Variants in PAK5 observed in about 807,000 individuals in gnomAD.
PAK5 encodes the protein serine/threonine-protein kinase PAK 5.
In PAK5, 16 loss-of-function variants were observed where a neutral mutation model predicts 65.9. The observed-to-expected ratio is 0.24, with a 90% confidence interval of 0.16 to 0.37. PAK5 has a LOEUF of 0.37. Ranked by LOEUF, PAK5 falls within the 10% of genes least tolerant of loss-of-function variation. The probability of loss-of-function intolerance (pLI) is 1.00; values close to 1 mark genes in which losing one functional copy is unlikely to be tolerated. For missense variants in PAK5, 785 were observed against 903.9 expected, an observed-to-expected ratio of 0.87 and a Z score of 1.69; for synonymous variants, 371 against 354.9, an observed-to-expected ratio of 1.05 and a Z score of -0.51.
chr20:9,670,486 T>C (rs1476888602), intron 2 of PAK5, among the ~76,000 whole-genome samples: 1 of 152,166 alleles, frequency 6.6e-6, no homozygotes, highest in Non-Finnish European at 1.5e-5. Flanking sequence ...AGATGGTATT[T>C]CACTGTGGTT....
chr20:9,628,876 C>G (rs1462452423), intron 3 of PAK5, among the ~76,000 whole-genome samples: 1 of 152,164 alleles, frequency 6.6e-6, no homozygotes, highest in Non-Finnish European at 1.5e-5. Flanking sequence ...GAGCAACGCA[C>G]AACCAAGAAA....
intron 1 of PAK5, among the ~76,000 whole-genome samples, chr20:9,728,849 A>G (rs2048304473): frequency 6.6e-6 from 1 of 152,044 alleles, no homozygotes; most frequent in African/African-American, 2.4e-5. Context: ...TCTCACTACA[A>G]TAGCGGAATT....
At chr20:9,665,936 C>G (rs2047411190) in intron 2 of PAK5, among the ~76,000 whole-genome samples, 1 of 152,048 alleles carries the variant, frequency 6.6e-6, no homozygotes, top group African/African-American at 2.4e-5. Context: ...TTACTGGACC[C>G]CTGGGTTATG....
intron 1 of PAK5, among the ~76,000 whole-genome samples, chr20:9,836,902 A>G (rs1979192844): frequency 6.6e-6 from 1 of 152,156 alleles, no homozygotes; most frequent in South Asian, 2.1e-4. Context: ...AGGAAAGTTA[A>G]ATAATTTTCC....
chr20:9,834,345 A>C (rs1174335507), intron 1 of PAK5, among the ~76,000 whole-genome samples: 1 of 152,230 alleles, frequency 6.6e-6, no homozygotes, highest in Admixed American at 6.5e-5. Flanking sequence ...AATGAGAGAC[A>C]TTAAGTCACT....
intron 1 of PAK5, among the ~76,000 whole-genome samples, chr20:9,769,891 T>C (rs1199942577): frequency 1.3e-5 from 2 of 152,130 alleles, no homozygotes; most frequent in African/African-American, 2.4e-5. Context: ...AAACTAAATA[T>C]GGTACAAAGA....
chr20:9,682,895 T>C (rs1400941049), intron 2 of PAK5, among the ~76,000 whole-genome samples: 4 of 152,222 alleles, frequency 2.6e-5, no homozygotes. Context: ...TGTCTAATGA[T>C]GTTCAAGCTC....
intron 1 of PAK5, among the ~76,000 whole-genome samples, chr20:9,837,715 C>A (rs538947952): frequency 2.7e-4 from 41 of 152,270 alleles, no homozygotes; most frequent in African/African-American, 9.9e-4. Context: ...TTGTGAGTTA[C>A]CTAAGACCCT....
chr20:9,722,928 G>C (rs2048234592), intron 1 of PAK5, among the ~76,000 whole-genome samples: 1 of 151,876 alleles, frequency 6.6e-6, no homozygotes, highest in African/African-American at 2.4e-5. Flanking sequence ...GTGGAGACAG[G>C]GTTTCCCAGC....
At chr20:9,712,570 G>A (rs953521736) in intron 1 of PAK5, among the ~76,000 whole-genome samples, 1 of 152,060 alleles carries the variant, frequency 6.6e-6, no homozygotes, top group African/African-American at 2.4e-5. Context: ...AAGCAATGCT[G>A]AGCAGAAAGA....
intron 7 of PAK5, among the ~76,000 whole-genome samples, chr20:9,544,699 T>C (rs2045317525): frequency 6.6e-6 from 1 of 152,148 alleles, no homozygotes; most frequent in Non-Finnish European, 1.5e-5. Flanking sequence ...CCCACCAGGA[T>C]CAACTTCCAA....
intron 1 of PAK5, among the ~76,000 whole-genome samples, chr20:9,747,600 A>G (rs555954978): frequency 1.4e-4 from 21 of 151,944 alleles, no homozygotes; most frequent in African/African-American, 4.8e-4. Context: ...GATTATCTCA[A>G]TAGATGCAGA....
intron 2 of PAK5, among the ~76,000 whole-genome samples, chr20:9,700,893 G>A (rs2047931119): frequency 6.6e-6 from 1 of 152,018 alleles, no homozygotes; most frequent in African/African-American, 2.4e-5. Context: ...GCATATTTTT[G>A]TTTTTTAATA....
chr20:9,683,681 G>A (rs910617634), intron 2 of PAK5, among the ~76,000 whole-genome samples: 1 of 152,070 alleles, frequency 6.6e-6, no homozygotes, highest in African/African-American at 2.4e-5. Context: ...ATAGGCCAGG[G>A]TATTTCTTTC....
chr20:9,699,262 A>T (rs1467879853), intron 2 of PAK5, among the ~76,000 whole-genome samples: 1 of 151,944 alleles, frequency 6.6e-6, no homozygotes, highest in Admixed American at 6.6e-5. Flanking sequence ...TTCTTCAGTT[A>T]CTCCTTTGGT....
chr20:9,664,726 T>C (rs566098952), intron 2 of PAK5, among the ~76,000 whole-genome samples: 1 of 152,288 alleles, frequency 6.6e-6, no homozygotes, highest in South Asian at 2.1e-4. Context: ...ATGATAGTTA[T>C]TGTTTTAAAA....
At chr20:9,827,151 T>C (rs1978340817) in intron 1 of PAK5, among the ~76,000 whole-genome samples, 1 of 152,216 alleles carries the variant, frequency 6.6e-6, no homozygotes, top group African/African-American at 2.4e-5. Flanking sequence ...GAAACTAGTT[T>C]GTGTGTTTTT....
intron 3 of PAK5, among the ~76,000 whole-genome samples, chr20:9,602,180 A>G (rs991098469): frequency 2.6e-5 from 4 of 151,974 alleles, no homozygotes; most frequent in East Asian, 3.9e-4. Flanking sequence ...AGTCCCAGCT[A>G]CTTGGGAGGC....
rs771654927 is a variant in PAK5, at chr20:9,580,213, G to A, written c.922C>T (p.Pro308Ser). 1 of 1,614,138 alleles carries A rather than the reference G, an allele frequency of 6.2e-7. No individual in the cohort carries two copies. Among genetic ancestry groups the A allele is most frequent in the South Asian group, 1.1e-5 (1 of 91,092 alleles). ...PFGASAFKTH[P>S]QGHSYNSYTY... ...TAGGAGTTGTAGGAGTGTCCTTGGG[G>A]ATGGGTTTTAAATGCACTTGCTCCA... is the stretch of plus-strand genomic sequence containing the variant. Residue 308 changes from proline (P) to serine (S), a missense_variant, in exon 4 of 10, where the codon CCC becomes TCC. By Grantham distance (74) the Pro-to-Ser change is moderately conservative. Transcript: ENST00000353224.
Sources: gnomAD v4.1 joint callset for allele counts (sites outside exome capture counted in the v4.1 genomes callset) on GRCh38, gnomAD v4.1.1 for gene constraint, MANE v1.5 for transcripts, NCBI Gene and HGNC (gene_info 2026-07-23, HGNC 2026-07-21) for gene names.